Variants in ZFHX4 observed in about 807,000 individuals in gnomAD.
ZFHX4 encodes zinc finger homeobox protein 4.
Under a neutral mutation model 267.6 loss-of-function variants are expected in ZFHX4, and 56 were observed. The observed-to-expected ratio is 0.21, with a 90% CI of 0.17 to 0.26. ZFHX4 has a LOEUF of 0.26. ZFHX4 is among the 10% of genes least tolerant of loss of function. ZFHX4 has a pLI of 1.00. For synonymous variants in ZFHX4, 1,778 were observed against 1,665.6 expected, an observed-to-expected ratio of 1.07 and a Z score of -1.64; for missense variants, 4,332 against 4,420.0, an observed-to-expected ratio of 0.98 and a Z score of 0.56.
intron 4 of ZFHX4, among the ~76,000 whole-genome samples, chr8:76,806,743 GA>G (rs1453402193): frequency 6.6e-6 from 1 of 152,056 alleles, no homozygotes; most frequent in Non-Finnish European, 1.5e-5. Context: ...TTCTTAAAGA[GA>G]ATTTAGGTAC....
chr8:76,690,825 C>T (rs1807803959), intron 1 of ZFHX4, among the ~76,000 whole-genome samples: 1 of 151,950 alleles, frequency 6.6e-6, no homozygotes, highest in Non-Finnish European at 1.5e-5. Context: ...GAAGTTTTCC[C>T]TTCATAGGCT....
intron 3 of ZFHX4, among the ~76,000 whole-genome samples, chr8:76,726,667 A>G (rs945985140): frequency 7.9e-5 from 12 of 152,162 alleles, no homozygotes; most frequent in African/African-American, 2.9e-4. Context: ...GAGAATGAGA[A>G]CCCATGGTTA....
intron 3 of ZFHX4, among the ~76,000 whole-genome samples, chr8:76,756,498 G>T (rs756810479): frequency 2.6e-4 from 39 of 151,934 alleles, no homozygotes; most frequent in Non-Finnish European, 5.3e-4. Context: ...GATTTTTGTT[G>T]GCTGTTAATG....
intron 5 of ZFHX4, chr8:76,834,060 A>G: frequency 5.1e-6 from 2 of 391,684 alleles, no homozygotes; most frequent in Non-Finnish European, 5.1e-6. Context: ...ACATGGCTTG[A>G]TAGTTTATTT....
chr8:76,732,741 G>T (rs1004758621), intron 3 of ZFHX4, among the ~76,000 whole-genome samples: 1 of 152,158 alleles, frequency 6.6e-6, no homozygotes, highest in Non-Finnish European at 1.5e-5. Flanking sequence ...TTAAAAACTG[G>T]TTTTCCCTCA....
intron 3 of ZFHX4, among the ~76,000 whole-genome samples, chr8:76,748,107 T>C (rs905171227): frequency 1.3e-5 from 2 of 152,214 alleles, no homozygotes; most frequent in Non-Finnish European, 2.9e-5. Flanking sequence ...TTAATAGTCA[T>C]TTTATATGTT....
chr8:76,746,691 C>T (rs1165016021), intron 3 of ZFHX4, among the ~76,000 whole-genome samples: 2 of 152,082 alleles, frequency 1.3e-5, no homozygotes, highest in Non-Finnish European at 2.9e-5. Flanking sequence ...TAACATTTTG[C>T]AGTCAAATAC....
chr8:76,729,885 T>C (rs1808954979), intron 3 of ZFHX4, among the ~76,000 whole-genome samples: 1 of 151,998 alleles, frequency 6.6e-6, no homozygotes, highest in Admixed American at 6.6e-5. Context: ...AGAAGAAGAA[T>C]AGGAGCAGAA....
chr8:76,785,902 G>A (rs1294221711), intron 4 of ZFHX4, among the ~76,000 whole-genome samples: 1 of 152,116 alleles, frequency 6.6e-6, no homozygotes, highest in East Asian at 1.9e-4. Flanking sequence ...TCTGTTACCA[G>A]TAAAACAGTC....
At chr8:76,805,240 T>C (rs1484759358) in intron 4 of ZFHX4, among the ~76,000 whole-genome samples, 2 of 152,112 alleles carry the variant, frequency 1.3e-5, no homozygotes, top group Non-Finnish European at 2.9e-5. Flanking sequence ...TCAAATGGCA[T>C]ATGGCGCATA....
At chr8:76,693,473 A>AT (rs748531963) in intron 1 of ZFHX4, 3 of 152,220 alleles carry the variant, frequency 2.0e-5, no homozygotes, top group Non-Finnish European at 4.4e-5. Context: ...GAAACATCAC[A>AT]TAACTACAGA....
rs746123162 is a variant in ZFHX4 at position 76,856,335 on chromosome 8, T to C, written c.9379+35T>C. 1.9e-6 allele frequency: 3 copies of C among 1,608,072 alleles called. No individual in the cohort carries two copies. The South Asian group carries it at 3.3e-5, about 18-fold the overall frequency. ...TTAAAGGAGACTCAGTCTAGTTAAT[T>C]AAGTAGCATCAGGTAGACAGTCACA... On this transcript the variant is annotated intron_variant, in intron 10 of 10. Coordinates refer to ENST00000651372, the MANE Select transcript of ZFHX4 (RefSeq NM_024721.5).
chr8:76,707,549 A>C lies in ZFHX4; in HGVS notation c.2594A>C (p.Asn865Thr). The change falls in exon 3 of 11, where the codon AAT becomes ACT. Residue 865 changes from asparagine to threonine, a missense_variant. Physicochemically the swap from Asn to Thr is moderately conservative, Grantham distance 65. This residue lies in a region of ZFHX4 where 1,195 missense variants were observed against 1,173.6 expected (regional missense o/e 1.02). Transcript: ENST00000651372. ...TAAALAPGLVNNELPPEIRLA... is the reference protein window; with the variant it reads ...TAAALAPGLVTNELPPEIRLA... ...TTTTAATTTTTTTTTCCTGTAGTAA[A>C]TAATGAGCTGCCGCCTGAAATCCGG... 3 of 1,567,226 alleles carry C rather than the reference A, an allele frequency of 1.9e-6. No individual in the cohort carries two copies. The highest frequency in any genetic ancestry group is 2.6e-6 in the Non-Finnish European group (3 of 1,155,344).
chr8:76,705,992 T>C lies in ZFHX4; in HGVS notation c.1904T>C (p.Met635Thr). The change falls in exon 2 of 11, where the codon ATG (methionine) becomes ACG (threonine). Residue 635 changes from methionine to threonine, a missense_variant. Coordinates refer to ENST00000651372, the MANE Select transcript of ZFHX4 (RefSeq NM_024721.5). ...TCTCTTGGTGGTCATATGACTATGA[T>C]GCACTCGAGGAACTCATGCAAAACC... ...SRSLGGHMTM[M>T]HSRNSCKTLK... The C allele has an allele frequency of 6.2e-7, 1 of 1,612,946 alleles. No individual in the cohort carries two copies. Among genetic ancestry groups the C allele is most frequent in the Non-Finnish European group, 8.5e-7 (1 of 1,179,558 alleles).
intron 4 of ZFHX4, among the ~76,000 whole-genome samples, chr8:76,830,203 C>T (rs1311678914): frequency 2.0e-5 from 3 of 152,074 alleles, no homozygotes; most frequent in African/African-American, 7.2e-5. Context: ...CACTATTCCA[C>T]AGAAAATGAT....
intron 4 of ZFHX4, among the ~76,000 whole-genome samples, chr8:76,829,392 C>T (rs1004916783): frequency 1.6e-4 from 24 of 151,828 alleles, no homozygotes; most frequent in Non-Finnish European, 4.4e-5. Flanking sequence ...ATTGCTTGTA[C>T]AGGGAAGGAA....
Position 76,852,731 on chromosome 8 carries a change from G to A in ZFHX4, c.5810G>A (p.Ser1937Asn), listed in dbSNP as rs748532180. 3 of 1,613,768 alleles carry A rather than the reference G, an allele frequency of 1.9e-6. No individual in the cohort carries two copies. In the African/African-American group the frequency reaches 4.0e-5, roughly 22 times the overall value. Residue 1937 changes from serine (S) to asparagine (N), a missense_variant, in exon 10 of 11, where the codon AGT becomes AAT. Ser to Asn is a conservative substitution (Grantham distance 46). Around this residue, in one of 7 missense-constraint regions of ZFHX4, gnomAD observed 1,371 missense variants for 1,423.1 expected, o/e 0.96. Transcript: ENST00000651372. The part of the protein sequence containing the change: ...NRQKVQKKGK[S>N]GEGENTDKLE... ...CAGAAGGTACAGAAGAAGGGCAAAAGTGGTGAAGGCGAAAACACTGACAAA... is the reference window on the plus strand; with the variant it reads ...CAGAAGGTACAGAAGAAGGGCAAAAATGGTGAAGGCGAAAACACTGACAAA...
intron 1 of ZFHX4, among the ~76,000 whole-genome samples, chr8:76,694,177 T>G (rs1807895123): frequency 6.6e-6 from 1 of 152,178 alleles, no homozygotes; most frequent in Non-Finnish European, 1.5e-5. Flanking sequence ...TGACTGGAAC[T>G]TGGGTTCTAA....
At position 76,715,481 on chromosome 8, in the gene ZFHX4, TAAAAAAAAAAAA is replaced by T. The variant is rs764567552; in HGVS notation, c.3093+7449_3093+7460del. ...TGGGCAACAGAACAAGACTCCATCT[TAAAAAAAAAAAA>T]AAAAAAAAAAAAAAAGAAATGCAAA... On this transcript the variant is annotated intron_variant, in intron 3 of 10. Coordinates refer to ENST00000651372, the MANE Select transcript of ZFHX4 (RefSeq NM_024721.5). Among the ~76,000 whole-genome samples, 3 of 62,344 alleles carry T rather than the reference TAAAAAAAAAAAA, an allele frequency of 4.8e-5. No homozygotes were observed. In the South Asian group the frequency reaches 1.9e-3, roughly 40 times the overall value. 40.9% of individuals were successfully genotyped at this position (62,344 alleles called of 152,430 possible).
Sources: allele counts gnomAD v4.1 joint callset (sites outside exome capture counted in the v4.1 genomes callset), GRCh38; gene constraint gnomAD v4.1.1; regional missense constraint gnomAD v4.1.1; transcripts MANE v1.5; gene names NCBI Gene and HGNC (gene_info 2026-07-23, HGNC 2026-07-21).